Variants in PDZD2 observed in about 807,000 individuals in gnomAD.
PDZD2 encodes PDZ domain-containing protein 2.
A neutral mutation model predicts 220.7 loss-of-function variants in PDZD2; 90 were observed. The ratio of observed to expected loss-of-function variants is 0.41; its 90% CI spans 0.34 to 0.49. PDZD2 has a LOEUF of 0.49. PDZD2 is among the 20% of genes least tolerant of loss of function. The pLI is 0.28. For synonymous variants in PDZD2, 1,375 were observed against 1,450.5 expected, an observed-to-expected ratio of 0.95 and a Z score of 1.18; for missense variants, 3,174 against 3,608.5, an observed-to-expected ratio of 0.88 and a Z score of 3.08.
intron 6 of PDZD2, among the ~76,000 whole-genome samples, chr5:32,027,373 TTAAATTTCAACGCA>T (rs1280613522): frequency 2.0e-5 from 3 of 152,228 alleles, no homozygotes; most frequent in African/African-American, 7.2e-5. Context: ...AGAGATCTCT[TTAAATTTCAACGCA>T]TAAAAATAAT....
At chr5:31,677,530 G>C (rs1200314653) in intron 1 of PDZD2, among the ~76,000 whole-genome samples, 1 of 23,584 alleles carries the variant, frequency 4.2e-5, no homozygotes, top group African/African-American at 8.3e-5. Context: ...GCAGGAGAAT[G>C]GCGTGAACCC....
rs78174269 is a variant in PDZD2 at position 31,988,520 on chromosome 5, T to C, written c.978+4864T>C. 6.4e-3 allele frequency among the ~76,000 whole-genome samples: 966 copies of C among 152,014 alleles called. 9 individuals are homozygous for C. Among genetic ancestry groups the C allele is most frequent in the African/African-American group, 0.022 (916 of 41,446 alleles). The stretch of plus-strand genomic sequence containing the variant: ...TGGATGTATTCACCATCCTGGAAGC[T>C]CTCCAAACCTCATACTCTAGGGATT... On this transcript the variant is annotated intron_variant, in intron 3 of 24. Transcript: ENST00000438447.
chr5:31,897,995 C>T (rs2150355078), intron 2 of PDZD2, among the ~76,000 whole-genome samples: 1 of 152,268 alleles, frequency 6.6e-6, no homozygotes, highest in East Asian at 1.9e-4. Flanking sequence ...ACCACCTTGG[C>T]CTCCCAAAGT....
At chr5:32,049,536 G>A (rs1007599563) in intron 8 of PDZD2, among the ~76,000 whole-genome samples, 1 of 152,222 alleles carries the variant, frequency 6.6e-6, no homozygotes, top group African/African-American at 2.4e-5. Flanking sequence ...TACTTTTGGT[G>A]TGTTATGACC....
chr5:31,932,013 G>C (rs1314033914), intron 2 of PDZD2, among the ~76,000 whole-genome samples: 3 of 152,170 alleles, frequency 2.0e-5, no homozygotes, highest in Non-Finnish European at 2.9e-5. Context: ...ACAATTGGCA[G>C]GGTGTTCCCC....
intron 1 of PDZD2, among the ~76,000 whole-genome samples, chr5:31,760,769 A>T (rs755362385): frequency 2.0e-5 from 3 of 152,038 alleles, no homozygotes; most frequent in Non-Finnish European, 4.4e-5. Context: ...TGACAAATAC[A>T]AAATTAGCCA....
At chr5:31,876,440 A>G (rs372353206) in intron 2 of PDZD2, among the ~76,000 whole-genome samples, 2 of 151,872 alleles carry the variant, frequency 1.3e-5, no homozygotes, top group South Asian at 2.1e-4. Context: ...TTATAGGTGC[A>G]TGCCCTCATG....
At chr5:31,747,316 G>C (rs1386831789) in intron 1 of PDZD2, among the ~76,000 whole-genome samples, 1 of 152,204 alleles carries the variant, frequency 6.6e-6, no homozygotes, top group Non-Finnish European at 1.5e-5. Context: ...ATTGGACAAA[G>C]GGGGTATGAT....
chr5:31,648,550 A>C (rs1024320238), intron 1 of PDZD2, among the ~76,000 whole-genome samples: 1 of 152,094 alleles, frequency 6.6e-6, no homozygotes, highest in African/African-American at 2.4e-5. Flanking sequence ...CGCCCTTGTT[A>C]AAATCACTGC....
chr5:31,681,230 T>C (rs1746639508), intron 1 of PDZD2, among the ~76,000 whole-genome samples: 1 of 152,086 alleles, frequency 6.6e-6, no homozygotes, highest in South Asian at 2.1e-4. Flanking sequence ...ACTTATAACA[T>C]GTTTTATTTG....
At chr5:32,013,362 G>C (rs1753479718) in intron 6 of PDZD2, among the ~76,000 whole-genome samples, 1 of 141,246 alleles carries the variant, frequency 7.1e-6, no homozygotes. Flanking sequence ...ATGGCTTATA[G>C]CAGTAAAATT....
At chr5:31,874,662 G>A (rs1236534239) in intron 2 of PDZD2, among the ~76,000 whole-genome samples, 1 of 151,512 alleles carries the variant, frequency 6.6e-6, no homozygotes, top group Non-Finnish European at 1.5e-5. Context: ...TTGGAAGGCT[G>A]AGGCAGGAGA....
chr5:31,847,756 G>C (rs1757670910), intron 2 of PDZD2: 1 of 590,656 alleles, frequency 1.7e-6, no homozygotes, highest in South Asian at 1.4e-5. Flanking sequence ...GGCCCTGAAG[G>C]AAGCTGTGAA....
intron 2 of PDZD2, among the ~76,000 whole-genome samples, chr5:31,931,272 C>T (rs1361520232): frequency 2.0e-5 from 3 of 152,198 alleles, no homozygotes; most frequent in African/African-American, 4.8e-5. Flanking sequence ...ATCCACCTGC[C>T]TCAGCCTCCT....
chr5:31,999,402 A>C (rs1751921780), intron 4 of PDZD2, among the ~76,000 whole-genome samples: 1 of 151,758 alleles, frequency 6.6e-6, no homozygotes, highest in Non-Finnish European at 1.5e-5. Context: ...AGTCCTAGGT[A>C]CTCAGGAGGC....
intron 1 of PDZD2, among the ~76,000 whole-genome samples, chr5:31,705,804 C>T (rs957213797): frequency 1.7e-4 from 26 of 152,218 alleles, no homozygotes; most frequent in African/African-American, 6.0e-4. Flanking sequence ...AATCCCAGCA[C>T]TTTGGGAGGC....
chr5:32,097,856 G>GT (rs1433761968), intron 22 of PDZD2, among the ~76,000 whole-genome samples: 1 of 151,844 alleles, frequency 6.6e-6, no homozygotes, highest in East Asian at 1.9e-4. Context: ...CTAAAAAGGA[G>GT]TTAAAAAAAA....
chr5:32,004,233 C>G (rs771049380), intron 5 of PDZD2, among the ~76,000 whole-genome samples: 22 of 152,278 alleles, frequency 1.4e-4, no homozygotes, highest in South Asian at 4.1e-4. Flanking sequence ...CTGCATGTAC[C>G]AGGTGCCCAC....
At chr5:32,039,212 T>A (rs1323381565) in intron 7 of PDZD2, among the ~76,000 whole-genome samples, 1 of 149,754 alleles carries the variant, frequency 6.7e-6, no homozygotes, top group Non-Finnish European at 1.5e-5. Flanking sequence ...CTCCCGTGAT[T>A]CTTCTGCCTC....
Sources: allele counts gnomAD v4.1 joint callset (sites outside exome capture counted in the v4.1 genomes callset), GRCh38; gene constraint gnomAD v4.1.1; transcripts MANE v1.5; gene names NCBI Gene and HGNC (gene_info 2026-07-23, HGNC 2026-07-21).